FBXL7: variants seen among roughly 807,000 people sequenced by gnomAD.
FBXL7 encodes F-box and leucine rich repeat protein 7.
Under a neutral mutation model 38.3 loss-of-function variants are expected in FBXL7, and 12 were observed. That is an observed-to-expected ratio of 0.31 (90% CI 0.20 to 0.51). FBXL7 has a LOEUF of 0.51. FBXL7 is among the 20% of genes least tolerant of loss of function. The pLI, the probability that FBXL7 is intolerant of heterozygous loss-of-function variation, is 0.98. For synonymous variants in FBXL7, 297 were observed against 300.9 expected (o/e 0.99, Z 0.13); for missense variants, 567 against 676.4 (o/e 0.84, Z 1.79).
intron 2 of FBXL7, among the ~76,000 whole-genome samples, chr5:15,839,630 T>G (rs1335060542): frequency 6.6e-6 from 1 of 152,224 alleles, no homozygotes; most frequent in African/African-American, 2.4e-5. Flanking sequence ...TTTTTGTTGT[T>G]GATATTTGTT....
At chr5:15,604,598 A>G (rs972310515) in intron 1 of FBXL7, among the ~76,000 whole-genome samples, 2 of 152,094 alleles carry the variant, frequency 1.3e-5, no homozygotes, top group Non-Finnish European at 2.9e-5. Flanking sequence ...CAAGTGATCC[A>G]CCTACCTCGG....
intron 1 of FBXL7, among the ~76,000 whole-genome samples, chr5:15,540,048 A>G (rs1737701385): frequency 6.6e-6 from 1 of 152,154 alleles, no homozygotes; most frequent in Non-Finnish European, 1.5e-5. Context: ...GGAGTAGGAT[A>G]TAGGACAGTT....
intron 2 of FBXL7, among the ~76,000 whole-genome samples, chr5:15,679,079 T>G (rs1475656508): frequency 2.0e-5 from 3 of 152,214 alleles, no homozygotes; most frequent in Non-Finnish European, 4.4e-5. Flanking sequence ...AAAATTGCAT[T>G]GTCTCTTTCA....
intron 1 of FBXL7, among the ~76,000 whole-genome samples, chr5:15,546,299 G>A (rs1001768569): frequency 6.6e-6 from 1 of 151,730 alleles, no homozygotes; most frequent in African/African-American, 2.4e-5. Context: ...AGGCACGGTG[G>A]CTCATGCCTG....
At chr5:15,664,075 T>C (rs746023791) in intron 2 of FBXL7, among the ~76,000 whole-genome samples, 26 of 152,206 alleles carry the variant, frequency 1.7e-4, no homozygotes, top group Non-Finnish European at 3.1e-4. Context: ...TGCTGTTGTT[T>C]TTATGATTAC....
At chr5:15,598,525 T>A (rs936407415) in intron 1 of FBXL7, among the ~76,000 whole-genome samples, 6 of 152,182 alleles carry the variant, frequency 3.9e-5, no homozygotes, top group Non-Finnish European at 8.8e-5. Context: ...TTCACATAAC[T>A]GAGAAAGAAG....
chr5:15,904,538 A>C (rs1299558968), intron 2 of FBXL7, among the ~76,000 whole-genome samples: 1 of 152,194 alleles, frequency 6.6e-6, no homozygotes, highest in African/African-American at 2.4e-5. Flanking sequence ...ACTGTTTCAA[A>C]GGATAAAGAA....
chr5:15,742,531 C>T (rs552420081), intron 2 of FBXL7, among the ~76,000 whole-genome samples: 1 of 152,264 alleles, frequency 6.6e-6, no homozygotes, highest in African/African-American at 2.4e-5. Context: ...AATGAGCGAG[C>T]AAGGCTAAAG....
intron 2 of FBXL7, among the ~76,000 whole-genome samples, chr5:15,819,360 A>C (rs1346869236): frequency 6.6e-6 from 1 of 152,184 alleles, no homozygotes; most frequent in Non-Finnish European, 1.5e-5. Flanking sequence ...AACTGAAAAA[A>C]AAATGTGATC....
intron 1 of FBXL7, among the ~76,000 whole-genome samples, chr5:15,531,312 G>C (rs1737424027): frequency 6.6e-6 from 1 of 152,172 alleles, no homozygotes; most frequent in Admixed American, 6.5e-5. Flanking sequence ...CCTCTGAGTA[G>C]TGAGTAGGTG....
At chr5:15,700,377 G>T (rs1692553168) in intron 2 of FBXL7, among the ~76,000 whole-genome samples, 1 of 152,216 alleles carries the variant, frequency 6.6e-6, no homozygotes, top group Admixed American at 6.5e-5. Context: ...TACGTACGTT[G>T]TTAATCCCTG....
At chr5:15,660,349 C>G (rs1029251535) in intron 2 of FBXL7, among the ~76,000 whole-genome samples, 1 of 152,198 alleles carries the variant, frequency 6.6e-6, no homozygotes, top group South Asian at 2.1e-4. Flanking sequence ...GGCCCCCACT[C>G]TAGCTTCATT....
chr5:15,668,756 A>G (rs1429624492), intron 2 of FBXL7, among the ~76,000 whole-genome samples: 2 of 152,140 alleles, frequency 1.3e-5, no homozygotes, highest in East Asian at 3.9e-4. Flanking sequence ...GTTATTTTGG[A>G]TTTCTGCTAG....
intron 2 of FBXL7, among the ~76,000 whole-genome samples, chr5:15,891,101 G>A (rs902246015): frequency 4.6e-5 from 7 of 152,076 alleles, no homozygotes; most frequent in African/African-American, 1.7e-4. Flanking sequence ...TAGATACTCA[G>A]GGTGAGAAAT....
At chr5:15,617,944 GT>G (rs1008078136) in intron 2 of FBXL7, among the ~76,000 whole-genome samples, 2 of 152,150 alleles carry the variant, frequency 1.3e-5, no homozygotes, top group East Asian at 3.9e-4. Context: ...TAAATAATCT[GT>G]TTTTTTAAGC....
At position 15,691,892 on chromosome 5, in the gene FBXL7, G is replaced by A. The variant is rs7704318; in HGVS notation, c.127+75820G>A. ...ACCTATGCACAGGGACTCCCGCATC[G>A]CTGGATTTGGATGGTAGAAGCACAG... is the stretch of plus-strand genomic sequence containing the variant. On this transcript the variant is annotated intron_variant, in intron 2 of 3. Transcript: ENST00000504595. Among the ~76,000 whole-genome samples, 341 of 152,280 alleles carry A rather than the reference G, an allele frequency of 2.2e-3. 2 individuals carry two copies. The highest frequency in any genetic ancestry group is 7.6e-3 in the African/African-American group (316 of 41,562).
At chr5:15,906,584 T>C (rs373746393) in intron 2 of FBXL7, among the ~76,000 whole-genome samples, 2 of 145,718 alleles carry the variant, frequency 1.4e-5, no homozygotes, top group African/African-American at 5.2e-5. Context: ...GTTACATATG[T>C]ATACATGTGC....
intron 2 of FBXL7, among the ~76,000 whole-genome samples, chr5:15,877,945 C>T (rs969395825): frequency 3.9e-5 from 6 of 152,160 alleles, no homozygotes; most frequent in Admixed American, 2.0e-4. Flanking sequence ...TACAGTTTCT[C>T]GCATGACCTT....
intron 2 of FBXL7, among the ~76,000 whole-genome samples, chr5:15,672,641 G>A (rs1439690447): frequency 3.4e-5 from 5 of 146,626 alleles, no homozygotes; most frequent in Middle Eastern, 3.5e-3. Flanking sequence ...TACAACCTCC[G>A]CCTCCCAGGT....
Sources: allele counts gnomAD v4.1 joint callset (sites outside exome capture counted in the v4.1 genomes callset), GRCh38; gene constraint gnomAD v4.1.1; transcripts MANE v1.5; gene names NCBI Gene and HGNC (gene_info 2026-07-23, HGNC 2026-07-21).